TIAM1: variants seen among roughly 807,000 people sequenced by gnomAD.
TIAM1 encodes TIAM Rac1 associated GEF 1, also known as rho guanine nucleotide exchange factor TIAM1.
A neutral mutation model predicts 163.5 loss-of-function variants in TIAM1; 65 were observed. The ratio of observed to expected loss-of-function variants is 0.40; its 90% CI spans 0.33 to 0.49. TIAM1 has a LOEUF of 0.49. TIAM1 is among the 20% of genes least tolerant of loss of function. The probability of loss-of-function intolerance (pLI) is 0.77; values close to 1 mark genes in which losing one functional copy is unlikely to be tolerated. For missense variants in TIAM1, 1,789 were observed against 2,044.7 expected (o/e 0.87, Z 2.41); for synonymous variants, 833 against 810.1 (o/e 1.03, Z -0.48).
At chr21:31,352,874 CAAA>C (rs35370613) in intron 2 of TIAM1, among the ~76,000 whole-genome samples, 5 of 122,862 alleles carry the variant, frequency 4.1e-5, no homozygotes, top group African/African-American at 5.8e-5. Flanking sequence ...GACTCTGTCT[CAAA>C]AAAAAAAAAA....
At chr21:31,148,837 A>C (rs1338902411) in intron 19 of TIAM1, among the ~76,000 whole-genome samples, 3 of 152,196 alleles carry the variant, frequency 2.0e-5, no homozygotes, top group African/African-American at 7.2e-5. Context: ...GTACATTGCA[A>C]ATTTCCAAAT....
At chr21:31,427,249 G>A (rs368202920) in intron 2 of TIAM1, among the ~76,000 whole-genome samples, 25 of 152,298 alleles carry the variant, frequency 1.6e-4, no homozygotes, top group African/African-American at 6.0e-4. Flanking sequence ...CACTTTGGGA[G>A]GCCAAGGTGG....
At chr21:31,464,950 C>T (rs1203709607) in intron 1 of TIAM1, among the ~76,000 whole-genome samples, 1 of 151,670 alleles carries the variant, frequency 6.6e-6, no homozygotes, top group African/African-American at 2.4e-5. Flanking sequence ...GCGGAGGTTG[C>T]AATAAGCTGA....
chr21:31,157,892 G>A (rs184800218), intron 16 of TIAM1, among the ~76,000 whole-genome samples: 4 of 152,272 alleles, frequency 2.6e-5, no homozygotes, highest in South Asian at 2.1e-4. Flanking sequence ...GTGTGAAATC[G>A]TGATTCACGA....
At chr21:31,509,870 A>G (rs1233436092) in intron 1 of TIAM1, among the ~76,000 whole-genome samples, 1 of 152,124 alleles carries the variant, frequency 6.6e-6, no homozygotes, top group East Asian at 1.9e-4. Context: ...GAGTCAGCCA[A>G]TTACCGCTGG....
intron 19 of TIAM1, among the ~76,000 whole-genome samples, chr21:31,151,515 A>G (rs2083369868): frequency 3.3e-5 from 5 of 152,256 alleles, no homozygotes; most frequent in Admixed American, 3.3e-4. Flanking sequence ...GAATGCAAAC[A>G]TATTTAACAT....
chr21:31,312,050 T>C (rs1252096100), intron 2 of TIAM1, among the ~76,000 whole-genome samples: 1 of 152,250 alleles, frequency 6.6e-6, no homozygotes, highest in Admixed American at 6.5e-5. Context: ...CACCAGTGAT[T>C]TGCCAGGGGC....
intron 1 of TIAM1, among the ~76,000 whole-genome samples, chr21:31,489,333 G>A (rs1012771934): frequency 8.0e-6 from 1 of 125,756 alleles, no homozygotes; most frequent in Non-Finnish European, 1.6e-5. Flanking sequence ...TTACACCACT[G>A]CACTCCAGTG....
At chr21:31,314,455 A>C (rs2075037537) in intron 2 of TIAM1, among the ~76,000 whole-genome samples, 1 of 152,208 alleles carries the variant, frequency 6.6e-6, no homozygotes, top group Non-Finnish European at 1.5e-5. Context: ...TAATGAAAAG[A>C]AAGCAAATAT....
intron 8 of TIAM1, among the ~76,000 whole-genome samples, chr21:31,222,809 C>T (rs1165501694): frequency 6.9e-6 from 1 of 144,758 alleles, no homozygotes; most frequent in Non-Finnish European, 1.5e-5. Flanking sequence ...CAACCTCCTC[C>T]TAGGTTCAAG....
chr21:31,238,035 A>G (rs2070984385), intron 6 of TIAM1, among the ~76,000 whole-genome samples: 1 of 152,226 alleles, frequency 6.6e-6, no homozygotes, highest in Non-Finnish European at 1.5e-5. Context: ...GGCCTCACAC[A>G]TATAAATTCC....
chr21:31,120,239 A>G lies in TIAM1; in HGVS notation c.*129T>C. On this transcript the variant is annotated 3_prime_UTR_variant, in exon 28 of 28. Coordinates refer to ENST00000541036, the MANE Select transcript of TIAM1 (RefSeq NM_001353694.2). The surrounding 1 kb of genome is among the most constrained non-coding windows in gnomAD (Gnocchi z 4.2). ...TGGGTGGCTACATGGCTTCAGAACC[A>G]AGTCAGCTGCCAAAACCGTGTGTGC... 1.1e-6 allele frequency: 1 copy of G among 928,122 alleles called. No individual in the cohort carries two copies. 57.5% of individuals were successfully genotyped at this position (928,122 alleles called of 1,614,324 possible).
At chr21:31,387,915 C>T (rs982012568) in intron 2 of TIAM1, among the ~76,000 whole-genome samples, 1 of 152,086 alleles carries the variant, frequency 6.6e-6, no homozygotes, top group Admixed American at 6.5e-5. Context: ...CTGCTGCAAG[C>T]ACGCAGGCTG....
At chr21:31,361,870 TAGATAGATAGAC>T (rs914574758) in intron 2 of TIAM1, among the ~76,000 whole-genome samples, 11 of 151,300 alleles carry the variant, frequency 7.3e-5, no homozygotes, top group East Asian at 6.0e-4. Flanking sequence ...GATAGATAGA[TAGATAGATAGAC>T]AGACATGTGT....
chr21:31,342,276 C>T (rs927473233), intron 1 of TIAM1, among the ~76,000 whole-genome samples: 64 of 152,102 alleles, frequency 4.2e-4, no homozygotes, highest in African/African-American at 1.5e-3. Context: ...AAGACTCCAT[C>T]TCTAAAAAGA....
intron 10 of TIAM1, among the ~76,000 whole-genome samples, chr21:31,210,816 T>A (rs1168003256): frequency 1.5e-4 from 16 of 106,612 alleles, no homozygotes; most frequent in African/African-American, 5.2e-4. Flanking sequence ...GAAAGAAAGG[T>A]CACCATTCAG....
At chr21:31,419,223 A>C (rs560692858) in intron 2 of TIAM1, among the ~76,000 whole-genome samples, 1 of 152,366 alleles carries the variant, frequency 6.6e-6, no homozygotes, top group South Asian at 2.1e-4. Flanking sequence ...TATTGGGATC[A>C]TTATTGCTAA....
chr21:31,453,039 C>G (rs1057101394), intron 2 of TIAM1: 1 of 446,792 alleles, frequency 2.2e-6, no homozygotes, highest in East Asian at 5.7e-5. Flanking sequence ...CATTGGAGAT[C>G]TTCTGGATCC....
chr21:31,149,282 T>C (rs975661195), intron 19 of TIAM1, among the ~76,000 whole-genome samples: 5 of 152,198 alleles, frequency 3.3e-5, no homozygotes, highest in African/African-American at 1.2e-4. Flanking sequence ...TACTTCAGAT[T>C]TCATATTTTT....
Sources: allele counts gnomAD v4.1 joint callset (sites outside exome capture counted in the v4.1 genomes callset), GRCh38; gene constraint gnomAD v4.1.1; non-coding constraint Gnocchi (gnomAD v3.1); transcripts MANE v1.5; gene names NCBI Gene and HGNC (gene_info 2026-07-23, HGNC 2026-07-21).